LAMB4: variants seen among roughly 807,000 people sequenced by gnomAD.
LAMB4 encodes laminin subunit beta 4.
A neutral mutation model predicts 199.2 loss-of-function variants in LAMB4; 196 were observed. That is an observed-to-expected ratio of 0.98 (90% CI 0.88 to 1.11). The LOEUF is 1.11. Ranked by LOEUF, LAMB4 falls within the 50% of genes least tolerant of loss-of-function variation. The pLI is 0.00. For synonymous variants in LAMB4, 744 were observed against 770.6 expected, an observed-to-expected ratio of 0.97 and a Z score of 0.57; for missense variants, 2,080 against 2,171.2, an observed-to-expected ratio of 0.96 and a Z score of 0.83.
intron 9 of LAMB4, among the ~76,000 whole-genome samples, chr7:108,104,035 G>A (rs1461742919): frequency 6.6e-6 from 1 of 152,178 alleles, no homozygotes; most frequent in African/African-American, 2.4e-5. Flanking sequence ...ATTAGCCTGA[G>A]TATTTTATTT....
intron 33 of LAMB4, 43 bp from the exon 34 acceptor site, chr7:108,024,221 G>A (rs1379130646): frequency 9.7e-6 from 12 of 1,235,582 alleles, no homozygotes; most frequent in Non-Finnish European, 1.3e-5. Context: ...TCCATTTAAT[G>A]GATTCCTGCT....
chr7:108,110,714 G>T (rs1464078957), intron 4 of LAMB4, among the ~76,000 whole-genome samples: 1 of 152,104 alleles, frequency 6.6e-6, no homozygotes. Context: ...TTAGATGTGG[G>T]GGTCAAAACA....
intron 32 of LAMB4, 121 bp downstream of exon 32, chr7:108,030,685 T>C (rs576921191): frequency 4.4e-5 from 40 of 907,826 alleles, no homozygotes; most frequent in African/African-American, 8.3e-5. Context: ...AGATATACCA[T>C]TGAGTCATGG....
chr7:108,043,779 T>G lies in LAMB4; in HGVS notation c.4444A>C (p.Ile1482Leu), dbSNP rs142166643. 155 of 1,592,948 alleles carry G rather than the reference T, an allele frequency of 9.7e-5. No individual in the cohort carries two copies. Among genetic ancestry groups the G allele is most frequent in the Middle Eastern group, 3.3e-4 (2 of 6,002 alleles). The change falls in exon 29 of 34, where the codon ATC becomes CTC. Residue 1482 changes from isoleucine to leucine, a missense_variant. Physicochemically the swap from Ile to Leu is conservative, Grantham distance 5. Coordinates refer to ENST00000388781, the MANE Select transcript of LAMB4 (RefSeq NM_007356.3). The stretch of plus-strand genomic sequence containing the variant: ...AACAAAAAGTTTTTCACTTTTTTGA[T>G]GAAAAGATTGATGTTTTCTTCTTCA... ...DSEEENINLF[I>L]KKVKNFLLEE...
In LAMB4 at chr7:108,057,923, T is replaced by A. The variant is rs201265823; in HGVS notation, c.3288A>T (p.Thr1096=). The A allele has an allele frequency of 6.2e-7, 1 of 1,611,820 alleles. No homozygotes were observed. The highest frequency in any genetic ancestry group is 8.5e-7 in the Non-Finnish European group (1 of 1,177,910). ...TSQSSHCDQL[T]GQCPCKLGYG... ...AACCTAATTTACACGGACACTGGCC[T>A]GTAAGCTGTGAGAACAGTCATGGGT... The change falls in exon 24 of 34, where the codon ACA becomes ACT. Residue 1096 remains threonine, a synonymous_variant. Coordinates refer to ENST00000388781, the MANE Select transcript of LAMB4 (RefSeq NM_007356.3).
chr7:108,052,110 A>G lies in LAMB4; in HGVS notation c.3903T>C (p.Asn1301=), dbSNP rs780021564. The G allele has an allele frequency of 3.5e-5, 56 of 1,608,152 alleles. No homozygotes were observed. In the South Asian group the frequency reaches 5.8e-4, roughly 17 times the overall value. ...TTTTTCCCTTACCCGCAATGCTTGCATTAAGGACACTGGATTGCAAATCAA... is the reference window on the plus strand; with the variant it reads ...TTTTTCCCTTACCCGCAATGCTTGCGTTAAGGACACTGGATTGCAAATCAA... The part of the protein sequence containing the change: ...EEIDLQSSVL[N]ASIADSSENI... Residue 1301 remains asparagine, a synonymous_variant, in exon 26 of 34, where the codon AAT becomes AAC. Coordinates refer to ENST00000388781, the MANE Select transcript of LAMB4 (RefSeq NM_007356.3).
At position 108,037,608 on chromosome 7, in the gene LAMB4, G is replaced by A; in HGVS notation, c.4472-13C>T. 5 of 1,606,282 alleles carry A rather than the reference G, an allele frequency of 3.1e-6. No individual in the cohort carries two copies. The highest frequency in any genetic ancestry group is 3.4e-6 in the Non-Finnish European group (4 of 1,173,080). On this transcript the variant is annotated splice_polypyrimidine_tract_variant and intron_variant, in intron 29 of 33. Transcript: ENST00000388781. ...GGCACGTTTTCCTCTTAAATAAGAA[G>A]CAGGGTTTTAGGTAATCATGTCTCC... is the stretch of plus-strand genomic sequence containing the variant.
In LAMB4 at chr7:108,037,388, T is replaced by G. The variant is rs778015275; in HGVS notation, c.4679A>C (p.Glu1560Ala). Residue 1560 changes from glutamate (E) to alanine (A), a missense_variant and splice_region_variant, in exon 30 of 34, where the codon GAG becomes GCG. Physicochemically the swap from Glu to Ala is moderately radical, Grantham distance 107. Coordinates refer to ENST00000388781, the MANE Select transcript of LAMB4 (RefSeq NM_007356.3). ...QKLLVKAKAA[E>A]KAANILLNLD... Reference sequence around the variant, plus strand: ...ATAAGAATATTAATACAGTACTTACTCAGCTGCTTTGGCCTTCACCAAAAG... The same window carrying G: ...ATAAGAATATTAATACAGTACTTACGCAGCTGCTTTGGCCTTCACCAAAAG... 1.2e-6 allele frequency: 2 copies of G among 1,610,546 alleles called. No homozygotes were observed. The highest frequency in any genetic ancestry group is 1.7e-6 in the Non-Finnish European group (2 of 1,176,800).
Position 108,047,233 on chromosome 7 carries a change from A to G in LAMB4, c.4326+675T>C, listed in dbSNP as rs140256024. Among the ~76,000 whole-genome samples the G allele has an allele frequency of 1.1e-3, 165 of 152,246 alleles. 1 individual carries two copies. The highest frequency in any genetic ancestry group is 3.9e-3 in the African/African-American group (161 of 41,540). On this transcript the variant is annotated intron_variant, in intron 28 of 33. Transcript: ENST00000388781. ...TGACTTTTGAATGACACAGGTTGGA[A>G]CTGCACACGCCCACTTATATACAAA...
At chr7:108,113,927 C>T (rs1326675451) in intron 3 of LAMB4, among the ~76,000 whole-genome samples, 1 of 152,138 alleles carries the variant, frequency 6.6e-6, no homozygotes, top group Non-Finnish European at 1.5e-5. Context: ...CTTTGTCAGC[C>T]TGAAATATTT....
intron 25 of LAMB4, among the ~76,000 whole-genome samples, chr7:108,054,216 G>T (rs745835167): frequency 3.3e-5 from 5 of 152,120 alleles, no homozygotes; most frequent in Admixed American, 6.5e-5. Flanking sequence ...GGGATTACAG[G>T]GGAAAGCCAC....
At chr7:108,035,899 G>T (rs1411082620) in intron 30 of LAMB4, among the ~76,000 whole-genome samples, 1 of 150,906 alleles carries the variant, frequency 6.6e-6, no homozygotes, top group Non-Finnish European at 1.5e-5. Context: ...TGTTGCCCAG[G>T]CTAGAGTTCA....
intron 14 of LAMB4, among the ~76,000 whole-genome samples, chr7:108,089,454 G>A (rs557176550): frequency 6.6e-6 from 1 of 152,118 alleles, no homozygotes; most frequent in Non-Finnish European, 1.5e-5. Context: ...TTCTCATAAA[G>A]TCTCACTCAT....
intron 30 of LAMB4, 123 bp downstream of exon 30, chr7:108,037,265 G>T: frequency 1.4e-6 from 1 of 736,710 alleles, no homozygotes; most frequent in Non-Finnish European, 2.3e-6. Context: ...CCTCAACTTG[G>T]GCACTGAACT....
At chr7:108,068,545 A>C (rs934264640) in intron 18 of LAMB4, among the ~76,000 whole-genome samples, 1 of 152,110 alleles carries the variant, frequency 6.6e-6, no homozygotes, top group African/African-American at 2.4e-5. Flanking sequence ...ACAAGGTCTC[A>C]CTCTGTTACT....
chr7:108,034,155 GT>G (rs1479429490), intron 31 of LAMB4, 52 bp downstream of exon 31: 7 of 1,562,092 alleles, frequency 4.5e-6, no homozygotes, highest in Admixed American at 1.7e-5. Flanking sequence ...AAAGCACTGT[GT>G]TGTTTTTACC....
At chr7:108,062,753 G>A (rs2036207356) in intron 23 of LAMB4, 21 bp downstream of exon 23, 5 of 1,347,738 alleles carry the variant, frequency 3.7e-6, no homozygotes, top group Non-Finnish European at 4.9e-6. Context: ...GAGTGCACTA[G>A]TAAGCTTTAA....
chr7:108,017,266 A>G, the LAMB4 span, among the ~76,000 whole-genome samples: 2 of 152,190 alleles, frequency 1.3e-5, no homozygotes, highest in Non-Finnish European at 2.9e-5. Flanking sequence ...TAAAGATTAT[A>G]TGTAGGTTCA....
chr7:108,016,642 C>A, the LAMB4 span, among the ~76,000 whole-genome samples: 5 of 152,256 alleles, frequency 3.3e-5, no homozygotes, highest in South Asian at 1.0e-3. Flanking sequence ...TGAGAAAAAT[C>A]ATATGTGAGA....
Sources: allele counts gnomAD v4.1 joint callset (sites outside exome capture counted in the v4.1 genomes callset), GRCh38; gene constraint gnomAD v4.1.1; transcripts MANE v1.5; gene names NCBI Gene and HGNC (gene_info 2026-07-23, HGNC 2026-07-21).